Variants in CYB561A3 observed in about 807,000 individuals in gnomAD.
CYB561A3 encodes lysosomal membrane ascorbate-dependent ferrireductase CYB561A3.
Under a neutral mutation model 25.3 loss-of-function variants are expected in CYB561A3, and 16 were observed. The ratio of observed to expected loss-of-function variants is 0.63; its 90% CI spans 0.43 to 0.96. CYB561A3 has a LOEUF of 0.96. CYB561A3 is among the 40% of genes least tolerant of loss of function. The probability of loss-of-function intolerance (pLI) is 0.00; values close to 1 mark genes in which losing one functional copy is unlikely to be tolerated. For missense variants in CYB561A3, 219 were observed against 307.5 expected (o/e 0.71, Z 2.15); for synonymous variants, 131 against 129.9 (o/e 1.01, Z -0.06).
At position 61,349,718 on chromosome 11, in the gene CYB561A3, C is replaced by T. The variant is rs546689340; in HGVS notation, c.*681G>A. 7.3e-6 allele frequency: 5 copies of T among 689,392 alleles called. No individual in the cohort carries two copies. The highest frequency in any genetic ancestry group is 1.3e-5 in the Non-Finnish European group (5 of 375,310). 42.7% of individuals were successfully genotyped at this position (689,392 alleles called of 1,614,324 possible). The stretch of plus-strand genomic sequence containing the variant: ...CAATACGAAACAGAACAGCTCAGAG[C>T]GGTCAGCTCCTCAGCAGAAGCTGCG... On this transcript the variant is annotated 3_prime_UTR_variant, in exon 7 of 7. Transcript: ENST00000294072.
At chr11:61,350,645 C>G in intron 6 of CYB561A3, 1 of 616,010 alleles carries the variant, frequency 1.6e-6, no homozygotes, top group East Asian at 2.8e-5. Flanking sequence ...ACCCATCCCA[C>G]TAGACTAGCC....
chr11:61,357,375 G>T, intron 2 of CYB561A3: 1 of 685,390 alleles, frequency 1.5e-6, no homozygotes, highest in Non-Finnish European at 2.4e-6. Flanking sequence ...TCTTCCTCTG[G>T]GGAAAGTCCA....
At chr11:61,352,961 A>G (rs758482216) in intron 5 of CYB561A3, 24 bp downstream of exon 5, 1 of 1,614,060 alleles carries the variant, frequency 6.2e-7, no homozygotes. Flanking sequence ...TTCACCTTAG[A>G]GTTGGGGACC....
chr11:61,355,738 C>T (rs969948914), intron 3 of CYB561A3, among the ~76,000 whole-genome samples: 15 of 150,984 alleles, frequency 9.9e-5, no homozygotes, highest in Non-Finnish European at 2.1e-4. Flanking sequence ...GTCCCTCATT[C>T]GGTGGCCTGA....
In CYB561A3 at chr11:61,353,704, A is replaced by G. The variant is rs1366497422; in HGVS notation, c.393+80T>C. The G allele has an allele frequency of 2.8e-6, 4 of 1,412,556 alleles. No individual in the cohort carries two copies. In the East Asian group the frequency reaches 6.9e-5, roughly 24 times the overall value. The allele number at this position is 1,412,556 out of a possible 1,614,324, so 87.5% of individuals were successfully genotyped here. A position where few individuals can be genotyped will look rare whatever the true frequency, so the allele number is the denominator to read the frequency against. ...CTCTCCAAGCAGTGAGCAGAGGAAT[A>G]TTTGGTGCTCATGCAAGTGAACCCC... On this transcript the variant is annotated intron_variant, in intron 4 of 6. Transcript: ENST00000294072.
At chr11:61,354,597 T>C (rs1857566338) in intron 3 of CYB561A3, 1 of 153,058 alleles carries the variant, frequency 6.5e-6, no homozygotes, top group African/African-American at 2.4e-5. Flanking sequence ...GCTATGATCA[T>C]CCCACTGCAC....
rs1857357852 is a variant in CYB561A3, at chr11:61,350,654, C to T, written c.706-232G>A. The T allele has an allele frequency of 1.3e-4, 79 of 607,612 alleles. 1 individual carries two copies. In the South Asian group the frequency reaches 1.7e-3, roughly 13 times the overall value. 37.6% of individuals were successfully genotyped at this position (607,612 alleles called of 1,614,324 possible). On this transcript the variant is annotated intron_variant, in intron 6 of 6. Coordinates refer to ENST00000294072, the MANE Select transcript of CYB561A3 (RefSeq NM_153611.6). ...CCAGGCACCCATCCCACTAGACTAG[C>T]CCCCAGGCTGGTAAAGGAGAAATCA...
chr11:61,350,701 C>T, intron 6 of CYB561A3: 1 of 592,682 alleles, frequency 1.7e-6, no homozygotes, highest in Non-Finnish European at 2.9e-6. Context: ...CACAGTCAAG[C>T]CCTTCCTTGG....
At chr11:61,360,361 A>G (rs568352851) in intron 1 of CYB561A3, 17 of 152,346 alleles carry the variant, frequency 1.1e-4, no homozygotes, top group African/African-American at 4.1e-4. Flanking sequence ...GCAGAGCCCC[A>G]TTCTAAGGGA....
rs768848652 is a variant in CYB561A3 at position 61,349,613 on chromosome 11, G to A, written c.*786C>T. ...ACAGACACGTAAGTCACAGGGAAAGGCCGGGATCCAGGCCTCAGCTGTAGC... is the reference window on the plus strand; with the variant it reads ...ACAGACACGTAAGTCACAGGGAAAGACCGGGATCCAGGCCTCAGCTGTAGC... On this transcript the variant is annotated 3_prime_UTR_variant, in exon 7 of 7. Coordinates refer to ENST00000294072, the MANE Select transcript of CYB561A3 (RefSeq NM_153611.6). The A allele has an allele frequency of 1.4e-6, 1 of 703,004 alleles. No homozygotes were observed. Among genetic ancestry groups the A allele is most frequent in the South Asian group, 1.5e-5 (1 of 67,610 alleles). 43.5% of individuals were successfully genotyped at this position (703,004 alleles called of 1,614,324 possible).
At chr11:61,355,181 C>T (rs1321927640) in intron 3 of CYB561A3, among the ~76,000 whole-genome samples, 2 of 152,026 alleles carry the variant, frequency 1.3e-5, no homozygotes, top group African/African-American at 4.8e-5. Flanking sequence ...CCTCTCCTGT[C>T]TAACTCTCAA....
At chr11:61,357,429 A>G (rs939411604) in intron 2 of CYB561A3, 1 of 552,290 alleles carries the variant, frequency 1.8e-6, no homozygotes, top group African/African-American at 1.9e-5. Context: ...AGAAAGCAAG[A>G]GATTTATTTT....
chr11:61,353,353 A>G (rs1857506898), intron 4 of CYB561A3: 1 of 655,184 alleles, frequency 1.5e-6, no homozygotes, highest in African/African-American at 1.8e-5. Context: ...CTACCATCCC[A>G]CTCCCAGCAA....
chr11:61,352,670 GA>G, intron 5 of CYB561A3: 1 of 585,874 alleles, frequency 1.7e-6, no homozygotes, highest in Non-Finnish European at 2.4e-6. Context: ...CAAAAAAAAA[GA>G]AAAAAGAAAA....
At chr11:61,355,176 C>T (rs1431709251) in intron 3 of CYB561A3, among the ~76,000 whole-genome samples, 1 of 152,018 alleles carries the variant, frequency 6.6e-6, no homozygotes, top group Non-Finnish European at 1.5e-5. Context: ...CCTGGCCTCT[C>T]CTGTCTAACT....
At chr11:61,358,029 CTG>C (rs1039409493) in intron 1 of CYB561A3, 16 of 152,262 alleles carry the variant, frequency 1.1e-4, no homozygotes, top group African/African-American at 3.6e-4. Context: ...GTTCCAAATC[CTG>C]TGTGTTTAGC....
intron 5 of CYB561A3, chr11:61,351,926 A>T (rs944750848): frequency 2.6e-5 from 4 of 151,964 alleles, no homozygotes; most frequent in African/African-American, 9.7e-5. Context: ...GGCTGGGGGG[A>T]TAAAAGGAGA....
chr11:61,357,096 G>A (rs751942711), intron 2 of CYB561A3: 20 of 1,464,822 alleles, frequency 1.4e-5, no homozygotes, highest in Non-Finnish European at 1.9e-5. Flanking sequence ...AGGAAAAAAG[G>A]GACAGGAATC....
chr11:61,358,817 G>C (rs551550574), intron 1 of CYB561A3: 1 of 152,362 alleles, frequency 6.6e-6, no homozygotes, highest in East Asian at 1.9e-4. Context: ...CCTTGTGCCT[G>C]CCCAGGCCTC....
Sources: gnomAD v4.1 joint callset for allele counts (sites outside exome capture counted in the v4.1 genomes callset) on GRCh38, gnomAD v4.1.1 for gene constraint, MANE v1.5 for transcripts, NCBI Gene and HGNC (gene_info 2026-07-23, HGNC 2026-07-21) for gene names.